RPGRIP1L: variants seen among roughly 807,000 people sequenced by gnomAD.
RPGRIP1L encodes RPGRIP1 like.
A neutral mutation model predicts 160.4 loss-of-function variants in RPGRIP1L; 131 were observed. The observed-to-expected ratio is 0.82, with a 90% CI of 0.71 to 0.94. The LOEUF (loss-of-function observed/expected upper bound fraction) is 0.94, where lower values mean the gene tolerates loss of function less well. Ranked by LOEUF, RPGRIP1L falls within the 40% of genes least tolerant of loss-of-function variation. The pLI is 0.00. For missense variants in RPGRIP1L, 1,522 were observed against 1,535.8 expected, an observed-to-expected ratio of 0.99 and a Z score of 0.15; for synonymous variants, 510 against 515.8, an observed-to-expected ratio of 0.99 and a Z score of 0.15.
At chr16:53,634,420 T>C (rs933242480) in intron 22 of RPGRIP1L, among the ~76,000 whole-genome samples, 6 of 152,158 alleles carry the variant, frequency 3.9e-5, no homozygotes, top group Non-Finnish European at 5.9e-5. Context: ...GGTATATAAT[T>C]TACCAAGATT....
chr16:53,672,268 A>AG, intron 8 of RPGRIP1L, among the ~76,000 whole-genome samples: 1 of 152,282 alleles, frequency 6.6e-6, no homozygotes, highest in African/African-American at 2.4e-5. Context: ...CCTGTGGATC[A>AG]GATTACTCTT....
Position 53,658,833 on chromosome 16 carries a change from T to C in RPGRIP1L, c.1289A>G (p.Gln430Arg). 1 of 1,609,042 alleles carries C rather than the reference T, an allele frequency of 6.2e-7. No homozygotes were observed. Among genetic ancestry groups the C allele is most frequent in the South Asian group, 1.1e-5 (1 of 90,440 alleles). Residue 430 changes from glutamine to arginine, a missense_variant, in exon 11 of 27, where the codon CAG becomes CGG. By Grantham distance (43) the Gln-to-Arg change is conservative. Coordinates refer to ENST00000647211, the MANE Select transcript of RPGRIP1L (RefSeq NM_015272.5). ...AAGTTGTTGCTTTTGTTCCAGATAC[T>C]GTAACTGTAGTTCTCTATTCTCTTG... Reference protein sequence around the residue: ...LVQENRELQLQYLEQKQQLDE... With the variant: ...LVQENRELQLRYLEQKQQLDE...
chr16:53,648,901 C>T (rs1392373778), intron 16 of RPGRIP1L, 63 bp downstream of exon 16: 2 of 1,441,544 alleles, frequency 1.4e-6, no homozygotes, highest in Non-Finnish European at 2.0e-6. Flanking sequence ...TAAAGCACGA[C>T]ACATAAATAA....
At chr16:53,627,080 TA>T (rs1323167648) in intron 22 of RPGRIP1L, among the ~76,000 whole-genome samples, 1 of 152,198 alleles carries the variant, frequency 6.6e-6, no homozygotes, top group African/African-American at 2.4e-5. Flanking sequence ...TTAGGCTTAT[TA>T]TTGGCATGCT....
At chr16:53,697,648 T>G (rs1333248651) in intron 2 of RPGRIP1L, among the ~76,000 whole-genome samples, 1 of 152,166 alleles carries the variant, frequency 6.6e-6, no homozygotes, top group Non-Finnish European at 1.5e-5. Context: ...GCAGACGGTG[T>G]CTGGTTCACT....
intron 22 of RPGRIP1L, among the ~76,000 whole-genome samples, chr16:53,633,854 A>C (rs1034398734): frequency 4.6e-5 from 7 of 152,228 alleles, no homozygotes; most frequent in African/African-American, 1.7e-4. Flanking sequence ...CCACTTTTGC[A>C]ATCTTTAAAG....
chr16:53,666,321 G>A (rs973368414), intron 9 of RPGRIP1L, among the ~76,000 whole-genome samples: 1 of 151,880 alleles, frequency 6.6e-6, no homozygotes, highest in African/African-American at 2.4e-5. Context: ...TTCTATTAGT[G>A]TTCTCATTTC....
chr16:53,688,289 A>C (rs930473545), intron 4 of RPGRIP1L, among the ~76,000 whole-genome samples: 5 of 152,052 alleles, frequency 3.3e-5, no homozygotes, highest in Admixed American at 2.6e-4. Context: ...TTCAAGTTTT[A>C]ACAATGTAAA....
intron 16 of RPGRIP1L, among the ~76,000 whole-genome samples, chr16:53,648,550 A>T (rs1966713364): frequency 6.6e-6 from 1 of 152,058 alleles, no homozygotes; most frequent in Admixed American, 6.5e-5. Flanking sequence ...TTGTGGTGGT[A>T]GTTATATGAA....
intron 6 of RPGRIP1L, among the ~76,000 whole-genome samples, chr16:53,683,816 C>A (rs1032727972): frequency 3.3e-5 from 5 of 151,448 alleles, no homozygotes; most frequent in African/African-American, 9.7e-5. Context: ...GTACTAGGAA[C>A]CAAAAAATGG....
intron 2 of RPGRIP1L, among the ~76,000 whole-genome samples, 160 bp from the exon 3 acceptor site, chr16:53,696,455 T>C (rs1970766085): frequency 6.6e-6 from 1 of 152,236 alleles, no homozygotes; most frequent in South Asian, 2.1e-4. Flanking sequence ...TTTACATCAA[T>C]TATTTAAGGT....
In RPGRIP1L at chr16:53,619,038, A is replaced by C. The variant is rs1324427345; in HGVS notation, c.3603T>G (p.Tyr1201Ter). The change falls in exon 24 of 27, where the codon TAT (tyrosine) becomes TAG (stop). Residue 1201 changes from tyrosine to a stop codon, truncating the protein, a stop_gained. Transcript: ENST00000647211. LOFTEE classifies it high-confidence loss of function. ...PKPKSGQWVY[Y>*]NYSNVIYVDK... ...AATCATACATACCATTGCTATAGTT[A>C]TAGTAGACCCACTGCCCACTCTTGG... 6.2e-7 allele frequency: 1 copy of C among 1,612,948 alleles called. No homozygotes were observed. Among genetic ancestry groups the C allele is most frequent in the East Asian group, 2.2e-5 (1 of 44,876 alleles).
intron 17 of RPGRIP1L, among the ~76,000 whole-genome samples, chr16:53,645,367 A>G (rs887379349): frequency 2.6e-5 from 4 of 151,976 alleles, no homozygotes; most frequent in Non-Finnish European, 4.4e-5. Flanking sequence ...TCTATATTTT[A>G]ATTGAATTAA....
At chr16:53,602,532 T>C (rs1259636683) in intron 26 of RPGRIP1L, among the ~76,000 whole-genome samples, 1 of 152,062 alleles carries the variant, frequency 6.6e-6, no homozygotes, top group Non-Finnish European at 1.5e-5. Flanking sequence ...TCTCAGCACT[T>C]TGGGAGGCCG....
intron 25 of RPGRIP1L, among the ~76,000 whole-genome samples, chr16:53,606,826 C>T (rs2150924064): frequency 6.6e-6 from 1 of 152,264 alleles, no homozygotes; most frequent in South Asian, 2.1e-4. Context: ...GTTGGCCAGG[C>T]TGGTCTCCAA....
intron 17 of RPGRIP1L, among the ~76,000 whole-genome samples, chr16:53,644,821 C>T (rs548838407): frequency 3.3e-5 from 5 of 152,176 alleles, no homozygotes; most frequent in Non-Finnish European, 5.9e-5. Flanking sequence ...ACCTAACTTA[C>T]AAGACATGTC....
Position 53,605,628 on chromosome 16 carries a change from G to C in RPGRIP1L, c.3702-14C>G. On this transcript the variant is annotated splice_polypyrimidine_tract_variant and intron_variant, in intron 25 of 26. Transcript: ENST00000647211. Reference sequence around the variant, plus strand: ...GTGAAGCGAAGGCTGGTAAGGCAGAGATCAGAGAAAGTCACCACCAAGTGA... The same window carrying C: ...GTGAAGCGAAGGCTGGTAAGGCAGACATCAGAGAAAGTCACCACCAAGTGA... 2 of 1,613,662 alleles carry C rather than the reference G, an allele frequency of 1.2e-6. No homozygotes were observed. Among genetic ancestry groups the C allele is most frequent in the Non-Finnish European group, 1.7e-6 (2 of 1,179,970 alleles).
chr16:53,601,920 T>C lies in RPGRIP1L; in HGVS notation c.*156A>G. The C allele has an allele frequency of 1.5e-6, 1 of 647,378 alleles. No individual in the cohort carries two copies. The highest frequency in any genetic ancestry group is 2.8e-6 in the Non-Finnish European group (1 of 355,498). The allele number at this position is 647,378 out of a possible 1,614,324, so 40.1% of individuals were successfully genotyped here. On this transcript the variant is annotated 3_prime_UTR_variant, in exon 27 of 27. Transcript: ENST00000647211. ...ATAGAGAAATAAACAAATGAAAAAGTATACAAAACTTCAACACTTCAAACC... is the reference window on the plus strand; with the variant it reads ...ATAGAGAAATAAACAAATGAAAAAGCATACAAAACTTCAACACTTCAAACC...
chr16:53,601,894 A>G lies in RPGRIP1L; in HGVS notation c.*182T>C, dbSNP rs1963393968. On this transcript the variant is annotated 3_prime_UTR_variant, in exon 27 of 27. Coordinates refer to ENST00000647211, the MANE Select transcript of RPGRIP1L (RefSeq NM_015272.5). ...GGGGTGGCAGTTATGAGAAGGAGGG[A>G]ATAGAGAAATAAACAAATGAAAAAG... 1.7e-6 allele frequency: 1 copy of G among 601,746 alleles called. No homozygotes were observed. Among genetic ancestry groups the G allele is most frequent in the African/African-American group, 1.8e-5 (1 of 54,200 alleles). 37.3% of individuals were successfully genotyped at this position (601,746 alleles called of 1,614,324 possible).
Sources: gnomAD v4.1 joint callset for allele counts (sites outside exome capture counted in the v4.1 genomes callset) on GRCh38, gnomAD v4.1.1 for gene constraint, MANE v1.5 for transcripts, NCBI Gene and HGNC (gene_info 2026-07-23, HGNC 2026-07-21) for gene names.